Variants in SLIT3 observed in about 807,000 individuals in gnomAD.
The protein encoded by SLIT3 is slit homolog 3 protein.
SLIT3 carries 68 observed loss-of-function variants against 184.0 expected under a neutral mutation model. That is an observed-to-expected ratio of 0.37 (90% confidence interval 0.30 to 0.45). The LOEUF is 0.45. SLIT3 is among the 20% of genes least tolerant of loss of function. SLIT3 has a pLI of 1.00. For synonymous variants in SLIT3, 831 were observed against 828.6 expected (o/e 1.00, Z -0.05); for missense variants, 1,707 against 2,026.0 (o/e 0.84, Z 3.02).
At chr5:168,789,190 G>C (rs550133676) in intron 11 of SLIT3, among the ~76,000 whole-genome samples, 1 of 146,182 alleles carries the variant, frequency 6.8e-6, no homozygotes, top group Non-Finnish European at 1.5e-5. Flanking sequence ...AAGGCCAAGC[G>C]GTAATAAACA....
chr5:169,269,047 G>A (rs1394698593), intron 1 of SLIT3, among the ~76,000 whole-genome samples: 2 of 152,220 alleles, frequency 1.3e-5, no homozygotes, highest in African/African-American at 4.8e-5. Context: ...TATCCACGGA[G>A]TAATGATTCT....
Position 168,797,408 on chromosome 5 carries a change from G to C in SLIT3, c.936-1830C>G, listed in dbSNP as rs74910545. 5.7e-4 allele frequency among the ~76,000 whole-genome samples: 87 copies of C among 152,358 alleles called. 1 individual carries two copies. The East Asian group carries it at 0.016, about 29-fold the overall frequency. ...ATGCCTCCAGGGAAAGCCACTGTCT[G>C]TAACAACGGCAATCCCCTCAGTTTT... On this transcript the variant is annotated intron_variant, in intron 9 of 35. Transcript: ENST00000519560.
At chr5:168,884,129 C>G (rs1341088976) in intron 4 of SLIT3, among the ~76,000 whole-genome samples, 3 of 150,876 alleles carry the variant, frequency 2.0e-5, no homozygotes, top group African/African-American at 7.3e-5. Context: ...TTGTTTCCCA[C>G]ATTTAGTTTT....
At chr5:169,253,444 G>A (rs771225858) in intron 1 of SLIT3, among the ~76,000 whole-genome samples, 22 of 152,176 alleles carry the variant, frequency 1.4e-4, no homozygotes, top group Non-Finnish European at 2.9e-4. Flanking sequence ...CAGAGTTAGT[G>A]TTTGGGAGCT....
chr5:168,672,518 C>T (rs1003092987), intron 33 of SLIT3, among the ~76,000 whole-genome samples: 1 of 152,178 alleles, frequency 6.6e-6, no homozygotes, highest in Admixed American at 6.5e-5. Flanking sequence ...CTCTGTCACC[C>T]AGGTTGCAGG....
intron 4 of SLIT3, among the ~76,000 whole-genome samples, chr5:169,115,872 G>T (rs1195065437): frequency 6.6e-6 from 1 of 152,152 alleles, no homozygotes; most frequent in Non-Finnish European, 1.5e-5. Context: ...GCCATGGAAG[G>T]CCACCCCCAC....
intron 4 of SLIT3, among the ~76,000 whole-genome samples, chr5:168,961,026 C>T (rs1214588922): frequency 6.6e-6 from 1 of 152,196 alleles, no homozygotes; most frequent in East Asian, 1.9e-4. Context: ...AGCTCCATCT[C>T]CTCACCTGTG....
intron 20 of SLIT3, among the ~76,000 whole-genome samples, chr5:168,747,483 C>T (rs905363414): frequency 2.0e-5 from 3 of 151,870 alleles, no homozygotes; most frequent in South Asian, 2.1e-4. Flanking sequence ...TGGATGGATG[C>T]GAGTGTGCAC....
At chr5:168,795,395 G>T in intron 10 of SLIT3, 112 bp downstream of exon 10, 2 of 806,532 alleles carry the variant, frequency 2.5e-6, no homozygotes, top group Non-Finnish European at 4.4e-6. Flanking sequence ...AAACAGAACT[G>T]CCCAGGAGGA....
intron 4 of SLIT3, among the ~76,000 whole-genome samples, chr5:169,097,992 A>T (rs1454207663): frequency 1.3e-5 from 2 of 152,204 alleles, no homozygotes; most frequent in Admixed American, 6.5e-5. Flanking sequence ...AAAAATTTTT[A>T]AAATATACTT....
intron 4 of SLIT3, among the ~76,000 whole-genome samples, chr5:169,106,555 G>T (rs1379944828): frequency 6.6e-6 from 1 of 152,148 alleles, no homozygotes; most frequent in Non-Finnish European, 1.5e-5. Flanking sequence ...AAAATCACCA[G>T]TATTGAGTCT....
chr5:169,179,025 C>T (rs1200502863), intron 4 of SLIT3, among the ~76,000 whole-genome samples: 2 of 152,166 alleles, frequency 1.3e-5, no homozygotes, highest in Non-Finnish European at 2.9e-5. Flanking sequence ...GAAGAACAAA[C>T]AGTAGGTTGG....
At chr5:169,167,760 A>G (rs1762687656) in intron 4 of SLIT3, among the ~76,000 whole-genome samples, 1 of 151,792 alleles carries the variant, frequency 6.6e-6, no homozygotes, top group Middle Eastern at 3.4e-3. Flanking sequence ...TGCTTCCTCT[A>G]CCCACTTCCT....
At chr5:168,739,970 G>T (rs1044419083) in intron 20 of SLIT3, among the ~76,000 whole-genome samples, 1 of 152,162 alleles carries the variant, frequency 6.6e-6, no homozygotes, top group Non-Finnish European at 1.5e-5. Context: ...CATGTCATGG[G>T]TATATAATTG....
At chr5:169,239,114 C>A (rs1322802704) in intron 3 of SLIT3, among the ~76,000 whole-genome samples, 1 of 152,102 alleles carries the variant, frequency 6.6e-6, no homozygotes, top group East Asian at 1.9e-4. Context: ...GTTTTGCTGT[C>A]CTAGTTTTTC....
chr5:169,164,121 G>A (rs1291385999), intron 4 of SLIT3, among the ~76,000 whole-genome samples: 2 of 152,170 alleles, frequency 1.3e-5, no homozygotes, highest in Non-Finnish European at 2.9e-5. Flanking sequence ...AAAGTCAGGG[G>A]AAAGCAACCC....
intron 1 of SLIT3, among the ~76,000 whole-genome samples, chr5:169,293,997 G>C (rs1767430002): frequency 6.6e-6 from 1 of 152,200 alleles, no homozygotes; most frequent in South Asian, 2.1e-4. Context: ...GGAGAGCACG[G>C]GGAGCTCAGC....
At chr5:169,027,640 T>C (rs1756876269) in intron 4 of SLIT3, among the ~76,000 whole-genome samples, 1 of 152,120 alleles carries the variant, frequency 6.6e-6, no homozygotes, top group Admixed American at 6.5e-5. Context: ...TCCTTCCCCC[T>C]CCTGAATGTA....
chr5:169,068,357 A>C (rs1758428481), intron 4 of SLIT3, among the ~76,000 whole-genome samples: 2 of 152,216 alleles, frequency 1.3e-5, no homozygotes, highest in South Asian at 4.1e-4. Context: ...ACTTTGGGAA[A>C]TAGACTGGTT....
Sources: gnomAD v4.1 joint callset for allele counts (sites outside exome capture counted in the v4.1 genomes callset) on GRCh38, gnomAD v4.1.1 for gene constraint, MANE v1.5 for transcripts, NCBI Gene and HGNC (gene_info 2026-07-23, HGNC 2026-07-21) for gene names.